AIMP1: variants seen among roughly 807,000 people sequenced by gnomAD.
AIMP1 encodes aminoacyl tRNA synthase complex-interacting multifunctional protein 1.
A neutral mutation model predicts 33.1 loss-of-function variants in AIMP1; 24 were observed. The observed-to-expected ratio is 0.73, with a 90% CI of 0.53 to 1.02. The LOEUF (loss-of-function observed/expected upper bound fraction) is 1.02. AIMP1 is among the 50% of genes least tolerant of loss of function. AIMP1 has a pLI of 0.00. For missense variants in AIMP1, 367 were observed against 364.8 expected (o/e 1.01, Z -0.05); for synonymous variants, 120 against 121.5 (o/e 0.99, Z 0.08).
chr4:106,336,468 T>C (rs1407715170), intron 5 of AIMP1, among the ~76,000 whole-genome samples: 1 of 152,228 alleles, frequency 6.6e-6, no homozygotes. Flanking sequence ...AATGCTTTAT[T>C]ATGCATGTTA....
chr4:106,330,716 G>A (rs977973455), intron 4 of AIMP1, among the ~76,000 whole-genome samples: 2 of 152,160 alleles, frequency 1.3e-5, no homozygotes, highest in African/African-American at 4.8e-5. Context: ...TGTTTCCAGT[G>A]TCATAGCACT....
chr4:106,324,053 T>C (rs1262656797), intron 1 of AIMP1, among the ~76,000 whole-genome samples: 1 of 152,054 alleles, frequency 6.6e-6, no homozygotes, highest in Non-Finnish European at 1.5e-5. Flanking sequence ...ATTTTTTATA[T>C]AGGATTGGTA....
intron 1 of AIMP1, among the ~76,000 whole-genome samples, chr4:106,319,764 G>T (rs1769131013): frequency 6.6e-6 from 1 of 152,086 alleles, no homozygotes; most frequent in African/African-American, 2.4e-5. Context: ...ACTTAAACTA[G>T]CATTTCCTAA....
chr4:106,338,907 C>A (rs1229576481), intron 6 of AIMP1, among the ~76,000 whole-genome samples: 1 of 152,208 alleles, frequency 6.6e-6, no homozygotes, highest in Non-Finnish European at 1.5e-5. Flanking sequence ...CCACCTGTTG[C>A]ATCAGCATGA....
intron 6 of AIMP1, among the ~76,000 whole-genome samples, chr4:106,342,744 T>C (rs1770144641): frequency 6.6e-6 from 1 of 152,168 alleles, no homozygotes; most frequent in Admixed American, 6.5e-5. Context: ...TAAAGTTTTC[T>C]TTTTTCCTTG....
intron 5 of AIMP1, among the ~76,000 whole-genome samples, chr4:106,335,710 C>T (rs766119660): frequency 3.3e-5 from 5 of 151,864 alleles, no homozygotes; most frequent in Non-Finnish European, 5.9e-5. Flanking sequence ...TAATTCATTT[C>T]GAATTTGACT....
chr4:106,347,413 A>G (rs768744820), intron 6 of AIMP1, 113 bp from the exon 7 acceptor site: 30 of 1,049,884 alleles, frequency 2.9e-5, no homozygotes, highest in Non-Finnish European at 3.7e-5. Context: ...GATTAGGTCC[A>G]AAAATCAGAA....
rs1486503449 is a variant in AIMP1, at chr4:106,348,950, G to A, written c.*1258G>A. 6.6e-6 allele frequency: 1 copy of A among 151,954 alleles called. No individual in the cohort carries two copies. Among genetic ancestry groups the A allele is most frequent in the Non-Finnish European group, 1.5e-5 (1 of 67,996 alleles). The allele number at this position is 151,954 out of a possible 1,614,324, so 9.4% of individuals were successfully genotyped here. A position where few individuals can be genotyped will look rare whatever the true frequency, so the allele number is the denominator to read the frequency against. ...AGCTGTCTGAATCCTTCAATAAGAA[G>A]GAGAGGCACACACAAATACACACAC... On this transcript the variant is annotated 3_prime_UTR_variant, in exon 7 of 7. Transcript: ENST00000672341.
chr4:106,349,163 T>G lies in AIMP1; in HGVS notation c.*1471T>G, dbSNP rs1466278759. The G allele has an allele frequency of 6.6e-6, 1 of 152,112 alleles. No individual in the cohort carries two copies. Among genetic ancestry groups the G allele is most frequent in the East Asian group, 1.9e-4 (1 of 5,188 alleles). The allele number at this position is 152,112 out of a possible 1,614,324, so 9.4% of individuals were successfully genotyped here. A position where few individuals can be genotyped will look rare whatever the true frequency, so the allele number is the denominator to read the frequency against. On this transcript the variant is annotated 3_prime_UTR_variant, in exon 7 of 7. Coordinates refer to ENST00000672341, the MANE Select transcript of AIMP1 (RefSeq NM_001142416.2). ...TTGGTACCTAAACACAAAATGAATT[T>G]CAAAAGTTACTTTGTTCTCAAGATA... is the stretch of plus-strand genomic sequence containing the variant.
intron 6 of AIMP1, among the ~76,000 whole-genome samples, chr4:106,342,028 C>T (rs1192636376): frequency 6.6e-6 from 1 of 151,972 alleles, no homozygotes; most frequent in African/African-American, 2.4e-5. Context: ...AGGTTCATTC[C>T]TAGATATTTC....
intron 1 of AIMP1, among the ~76,000 whole-genome samples, chr4:106,322,847 G>T (rs1356377900): frequency 6.6e-6 from 1 of 152,032 alleles, no homozygotes; most frequent in East Asian, 1.9e-4. Context: ...AAATTAGTCA[G>T]GTGGCAGGCA....
intron 2 of AIMP1, 43 bp from the exon 3 acceptor site, chr4:106,327,408 C>A: frequency 7.0e-7 from 1 of 1,421,378 alleles, no homozygotes; most frequent in Non-Finnish European, 9.9e-7. Flanking sequence ...TCATACAAAA[C>A]CTCTTTTAAA....
chr4:106,344,510 C>T (rs1481090870), intron 6 of AIMP1, among the ~76,000 whole-genome samples: 3 of 152,158 alleles, frequency 2.0e-5, no homozygotes, highest in African/African-American at 7.2e-5. Context: ...CACTAGCACC[C>T]TAATCCCAAA....
At chr4:106,342,172 G>A (rs1770122922) in intron 6 of AIMP1, among the ~76,000 whole-genome samples, 1 of 152,174 alleles carries the variant, frequency 6.6e-6, no homozygotes, top group African/African-American at 2.4e-5. Flanking sequence ...TCATTTATCA[G>A]CTCTGGGAGC....
chr4:106,330,890 CT>C (rs1183654710), intron 4 of AIMP1, among the ~76,000 whole-genome samples: 1 of 152,120 alleles, frequency 6.6e-6, no homozygotes, highest in Non-Finnish European at 1.5e-5. Context: ...TATGAATCCT[CT>C]TTGCAGGTTA....
chr4:106,338,785 G>T (rs771815477), intron 6 of AIMP1, among the ~76,000 whole-genome samples: 1 of 152,176 alleles, frequency 6.6e-6, no homozygotes, highest in Non-Finnish European at 1.5e-5. Flanking sequence ...GACAGCTTCC[G>T]CAGTGTGCCT....
chr4:106,335,259 G>T (rs1225091927), intron 5 of AIMP1, among the ~76,000 whole-genome samples: 1 of 152,102 alleles, frequency 6.6e-6, no homozygotes, highest in Admixed American at 6.6e-5. Flanking sequence ...CTGGAGAAAA[G>T]AACCAACTGA....
upstream of AIMP1, chr4:106,316,218 C>A (rs549824227): frequency 4.0e-6 from 1 of 250,568 alleles, no homozygotes; most frequent in East Asian, 8.5e-5. Context: ...CTACCCTCCC[C>A]TCAGCCTGGC....
intron 1 of AIMP1, among the ~76,000 whole-genome samples, chr4:106,320,039 A>G (rs1178977184): frequency 6.6e-6 from 1 of 152,234 alleles, no homozygotes; most frequent in African/African-American, 2.4e-5. Flanking sequence ...TGACTTGTGT[A>G]AAGCATTTAG....
Sources: gnomAD v4.1 joint callset for allele counts (sites outside exome capture counted in the v4.1 genomes callset) on GRCh38, gnomAD v4.1.1 for gene constraint, MANE v1.5 for transcripts, NCBI Gene and HGNC (gene_info 2026-07-23, HGNC 2026-07-21) for gene names.